The following NPTXR variants were observed in gnomAD, a reference collection of about 807,000 sequenced individuals.
NPTXR encodes neuronal pentraxin receptor.
Under a neutral mutation model 32.2 loss-of-function variants are expected in NPTXR, and 12 were observed. That is an observed-to-expected ratio of 0.37 (90% CI 0.24 to 0.60). The LOEUF (loss-of-function observed/expected upper bound fraction) is 0.60, where lower values mean the gene tolerates loss of function less well. NPTXR is among the 20% of genes least tolerant of loss of function. The pLI is 0.66. For missense variants in NPTXR, 612 were observed against 682.9 expected, an observed-to-expected ratio of 0.90 and a Z score of 1.16; for synonymous variants, 323 against 315.8, an observed-to-expected ratio of 1.02 and a Z score of -0.24.
At chr22:38,842,008 G>A (rs2093132369) in intron 1 of NPTXR, among the ~76,000 whole-genome samples, 1 of 152,200 alleles carries the variant, frequency 6.6e-6, no homozygotes, top group Non-Finnish European at 1.5e-5. Context: ...TGCAATGGCT[G>A]ACTGGCTGCA....
intron 1 of NPTXR, among the ~76,000 whole-genome samples, chr22:38,832,960 G>C (rs993043353): frequency 2.0e-5 from 3 of 152,210 alleles, no homozygotes; most frequent in African/African-American, 4.8e-5. Context: ...CTGCCAGCGT[G>C]GGGTGGCTGA....
At position 38,828,300 on chromosome 22, in the gene NPTXR, A is replaced by G. The variant is rs1390943603; in HGVS notation, c.837T>C (p.Ala279=). 5 of 1,613,440 alleles carry G rather than the reference A, an allele frequency of 3.1e-6. No individual in the cohort carries two copies. Among genetic ancestry groups the G allele is most frequent in the Non-Finnish European group, 4.2e-6 (5 of 1,179,982 alleles). The change falls in exon 2 of 5, where the codon GCT becomes GCC. Residue 279 remains alanine, a synonymous_variant. Transcript: ENST00000333039. ...CCCAGGACCCACCGTGCTCCAGCTC[A>G]GCCACACGACCCTGCAGGACGTCCA... is the stretch of plus-strand genomic sequence containing the variant.
rs1181426855 is a variant in NPTXR, at chr22:38,843,182, G to A, written c.624+53C>T. Reference sequence around the variant, plus strand: ...CGGGGACCGCCGGACGACCGCGGCCGGGCGGCCCCTCACACCACCCGGGCG... The same window carrying A: ...CGGGGACCGCCGGACGACCGCGGCCAGGCGGCCCCTCACACCACCCGGGCG... On this transcript the variant is annotated intron_variant, in intron 1 of 4. Transcript: ENST00000333039. This position sits in a 1 kb window ranked among gnomAD's most constrained non-coding sequence, Gnocchi z 5.3. 7.9e-7 allele frequency: 1 copy of A among 1,264,482 alleles called. No individual in the cohort carries two copies. The highest frequency in any genetic ancestry group is 9.9e-7 in the Non-Finnish European group (1 of 1,005,642). The allele number at this position is 1,264,482 out of a possible 1,614,324, so 78.3% of individuals were successfully genotyped here.
At chr22:38,838,661 A>G (rs1404780661) in intron 1 of NPTXR, among the ~76,000 whole-genome samples, 3 of 145,782 alleles carry the variant, frequency 2.1e-5, no homozygotes, top group African/African-American at 7.7e-5. Context: ...GGCTCACTGC[A>G]AGCTCCGCGT....
rs1273321139 is a variant in NPTXR at position 38,819,676 on chromosome 22, G to A, written c.*2933C>T. ...TTAGAACTGTGTTGTGAGATCAACAGGACGGTGCCTGTGCCACACTCAGTG... is the reference window on the plus strand; with the variant it reads ...TTAGAACTGTGTTGTGAGATCAACAAGACGGTGCCTGTGCCACACTCAGTG... On this transcript the variant is annotated 3_prime_UTR_variant, in exon 5 of 5. Transcript: ENST00000333039. The A allele has an allele frequency of 6.6e-6, 1 of 152,344 alleles. No individual in the cohort carries two copies. Among genetic ancestry groups the A allele is most frequent in the African/African-American group, 2.4e-5 (1 of 41,472 alleles). 9.4% of individuals were successfully genotyped at this position (152,344 alleles called of 1,614,324 possible).
In NPTXR at chr22:38,818,745, G is replaced by A. The variant is rs998455810; in HGVS notation, c.*3864C>T. 2 of 152,278 alleles carry A rather than the reference G, an allele frequency of 1.3e-5. No homozygotes were observed. The highest frequency in any genetic ancestry group is 4.8e-5 in the African/African-American group (2 of 41,434). 9.4% of individuals were successfully genotyped at this position (152,278 alleles called of 1,614,324 possible). The stretch of plus-strand genomic sequence containing the variant: ...TCCCCACCCAGGGGTCGGGGGTCAG[G>A]GTGGGAGGTGGGGGTCTGGGGTGGC... On this transcript the variant is annotated 3_prime_UTR_variant, in exon 5 of 5. Transcript: ENST00000333039. This position sits in a 1 kb window ranked among gnomAD's most constrained non-coding sequence, Gnocchi z 4.5.
chr22:38,835,929 C>T (rs1052476163), intron 1 of NPTXR, among the ~76,000 whole-genome samples: 7 of 151,834 alleles, frequency 4.6e-5, no homozygotes, highest in African/African-American at 1.5e-4. Context: ...TGGGGAGACG[C>T]CCCCCCGCCG....
chr22:38,823,095 C>A lies in NPTXR; in HGVS notation c.1266G>T (p.Leu422Phe). ...GCCTGAGCCTTACCTGCTCCTGGCCCAAGATAAGGATCCCATGAGGCTTGA... is the reference window on the plus strand; with the variant it reads ...GCCTGAGCCTTACCTGCTCCTGGCCAAAGATAAGGATCCCATGAGGCTTGA... Residue 422 changes from leucine (L) to phenylalanine (F), a missense_variant, in exon 4 of 5, where the codon TTG becomes TTT. Coordinates refer to ENST00000333039, the MANE Select transcript of NPTXR (RefSeq NM_014293.4). The A allele has an allele frequency of 1.2e-6, 2 of 1,614,146 alleles. No individual in the cohort carries two copies. The highest frequency in any genetic ancestry group is 2.2e-5 in the South Asian group (2 of 91,080).
chr22:38,820,178 G>C lies in NPTXR; in HGVS notation c.*2431C>G, dbSNP rs1031790759. On this transcript the variant is annotated 3_prime_UTR_variant, in exon 5 of 5. Transcript: ENST00000333039. ...CCAGTATGATGAGACACTTGACCCA[G>C]CACTTGGGTTGATGTCTTTGGCTGT... is the stretch of plus-strand genomic sequence containing the variant. The C allele has an allele frequency of 6.6e-6, 1 of 152,664 alleles. No individual in the cohort carries two copies. Among genetic ancestry groups the C allele is most frequent in the Non-Finnish European group, 1.5e-5 (1 of 68,050 alleles). 9.5% of individuals were successfully genotyped at this position (152,664 alleles called of 1,614,324 possible).
chr22:38,836,864 T>C (rs755524574), intron 1 of NPTXR, among the ~76,000 whole-genome samples: 2 of 152,110 alleles, frequency 1.3e-5, no homozygotes, highest in African/African-American at 2.4e-5. Flanking sequence ...GCCCAGGCTG[T>C]AGTGCAGTGG....
At position 38,843,885 on chromosome 22, in the gene NPTXR, AG is replaced by A; in HGVS notation, c.-28del. On this transcript the variant is annotated 5_prime_UTR_variant, in exon 1 of 5. Transcript: ENST00000333039. This position sits in a 1 kb window ranked among gnomAD's most constrained non-coding sequence, Gnocchi z 5.3. ...GTGAGGCGGGCGGCGGGGGCGCCCG[AG>A]GCCCCCGGCAGGCGCGGCGGCGGGG... 1.0e-6 allele frequency: 1 copy of A among 983,758 alleles called. No individual in the cohort carries two copies. The highest frequency in any genetic ancestry group is 4.5e-5 in the South Asian group (1 of 22,012). The allele number at this position is 983,758 out of a possible 1,614,324, so 60.9% of individuals were successfully genotyped here. A position where few individuals can be genotyped will look rare whatever the true frequency, so the allele number is the denominator to read the frequency against.
chr22:38,819,824 C>G lies in NPTXR; in HGVS notation c.*2785G>C, dbSNP rs2093093872. The G allele has an allele frequency of 6.6e-6, 1 of 152,636 alleles. No homozygotes were observed. Among genetic ancestry groups the G allele is most frequent in the South Asian group, 2.1e-4 (1 of 4,822 alleles). The allele number at this position is 152,636 out of a possible 1,614,324, so 9.5% of individuals were successfully genotyped here. A position where few individuals can be genotyped will look rare whatever the true frequency, so the allele number is the denominator to read the frequency against. On this transcript the variant is annotated 3_prime_UTR_variant, in exon 5 of 5. Transcript: ENST00000333039. ...TCTGCTTGGATGTGCTCAGGGGCAGCAGAAGATAGGAAAAGCGGGACCCAA... is the reference window on the plus strand; with the variant it reads ...TCTGCTTGGATGTGCTCAGGGGCAGGAGAAGATAGGAAAAGCGGGACCCAA...
rs1158841796 is a variant in NPTXR, at chr22:38,821,686, C to G, written c.*923G>C. On this transcript the variant is annotated 3_prime_UTR_variant, in exon 5 of 5. Transcript: ENST00000333039. ...CTCTGCTCACTGCTTCATGCTTCTC[C>G]CCACCCTCTGAGCTTCTTCCTTGCT... The G allele has an allele frequency of 6.5e-6, 1 of 153,192 alleles. No individual in the cohort carries two copies. The highest frequency in any genetic ancestry group is 1.9e-4 in the East Asian group (1 of 5,216). 9.5% of individuals were successfully genotyped at this position (153,192 alleles called of 1,614,324 possible).
rs748503650 is a variant in NPTXR at position 38,843,472 on chromosome 22, C to T, written c.387G>A (p.Thr129=). 5 of 1,336,522 alleles carry T rather than the reference C, an allele frequency of 3.7e-6. No homozygotes were observed. Among genetic ancestry groups the T allele is most frequent in the East Asian group, 6.2e-5 (2 of 32,154 alleles). The allele number at this position is 1,336,522 out of a possible 1,614,324, so 82.8% of individuals were successfully genotyped here. The change falls in exon 1 of 5, where the codon ACG becomes ACA. Residue 129 remains threonine (T), a synonymous_variant. Coordinates refer to ENST00000333039, the MANE Select transcript of NPTXR (RefSeq NM_014293.4). The surrounding 1 kb of genome is among the most constrained non-coding windows in gnomAD (Gnocchi z 5.3). ...GCGCCGTCTGGCGCAGCTGCTCGGC[C>T]GTGCTCTGCAGCAGCAGCAGCTCTT...
Position 38,823,218 on chromosome 22 carries a change from G to A in NPTXR, c.1143C>T (p.His381=), listed in dbSNP as rs758273667. The change falls in exon 4 of 5, where the codon CAC becomes CAT. Residue 381 remains histidine, a synonymous_variant. Coordinates refer to ENST00000333039, the MANE Select transcript of NPTXR (RefSeq NM_014293.4). ...CCCTTGTGGTCCAGGCGATGCAGAT[G>A]TGGTGCCAGCCATTGTCCTTCAGGC... 13 of 1,613,564 alleles carry A rather than the reference G, an allele frequency of 8.1e-6. No homozygotes were observed. The highest frequency in any genetic ancestry group is 1.7e-5 in the Admixed American group (1 of 60,010).
rs1263252238 is a variant in NPTXR, at chr22:38,826,606, C to T, written c.992G>A (p.Gly331Asp). ...GGAGAAGGGGGTGCCCTGGCCGGTGCCGCTGGACCTGGACCGCAGCCACAT... is the reference window on the plus strand; with the variant it reads ...GGAGAAGGGGGTGCCCTGGCCGGTGTCGCTGGACCTGGACCGCAGCCACAT... The change falls in exon 3 of 5, where the codon GGC becomes GAC. Residue 331 changes from glycine to aspartate, a missense_variant. Gly to Asp is a moderately conservative substitution (Grantham distance 94). Transcript: ENST00000333039. 3 of 1,614,134 alleles carry T rather than the reference C, an allele frequency of 1.9e-6. No homozygotes were observed. The South Asian group carries it at 3.3e-5, about 18-fold the overall frequency.
intron 3 of NPTXR, among the ~76,000 whole-genome samples, chr22:38,826,045 A>G (rs5757296): frequency 0.43 from 64,697 of 151,742 alleles, 14,217 homozygotes; most frequent in East Asian, 0.75. Context: ...GGGTTTCACC[A>G]TGTTAGCCAG....
At position 38,823,215 on chromosome 22, in the gene NPTXR, G is replaced by C. The variant is rs750187014; in HGVS notation, c.1146C>G (p.Ile382Met). Residue 382 changes from isoleucine to methionine, a missense_variant, in exon 4 of 5, where the codon ATC (isoleucine) becomes ATG (methionine). Coordinates refer to ENST00000333039, the MANE Select transcript of NPTXR (RefSeq NM_014293.4). ...CATCCCTTGTGGTCCAGGCGATGCA[G>C]ATGTGGTGCCAGCCATTGTCCTTCA... 2 of 1,613,800 alleles carry C rather than the reference G, an allele frequency of 1.2e-6. No individual in the cohort carries two copies. The highest frequency in any genetic ancestry group is 3.3e-5 in the Admixed American group (2 of 60,036).
At chr22:38,842,826 T>C (rs1389574153) in intron 1 of NPTXR, among the ~76,000 whole-genome samples, 2 of 152,186 alleles carry the variant, frequency 1.3e-5, no homozygotes, top group African/African-American at 2.4e-5. Flanking sequence ...AGTGTGAGCG[T>C]GGAGCTGGGC....
Sources: allele counts gnomAD v4.1 joint callset (sites outside exome capture counted in the v4.1 genomes callset), GRCh38; gene constraint gnomAD v4.1.1; non-coding constraint Gnocchi (gnomAD v3.1); transcripts MANE v1.5; gene names NCBI Gene and HGNC (gene_info 2026-07-23, HGNC 2026-07-21).